Variants in C8orf34 observed in about 807,000 individuals in gnomAD.
C8orf34 encodes the protein chromosome 8 open reading frame 34.
Under a neutral mutation model 68.3 loss-of-function variants are expected in C8orf34, and 65 were observed. That is an observed-to-expected ratio of 0.95 (90% CI 0.78 to 1.17). The LOEUF (loss-of-function observed/expected upper bound fraction) is 1.17. Ranked by LOEUF, C8orf34 falls within the 50% of genes most tolerant of loss-of-function variation. The probability of loss-of-function intolerance (pLI) is 0.00; values close to 1 mark genes in which losing one functional copy is unlikely to be tolerated. For missense variants in C8orf34, 664 were observed against 655.4 expected (o/e 1.01, Z -0.14); for synonymous variants, 244 against 241.2 (o/e 1.01, Z -0.11).
intron 5 of C8orf34, among the ~76,000 whole-genome samples, chr8:68,489,504 T>A (rs1305135780): frequency 1.3e-5 from 2 of 152,220 alleles, no homozygotes; most frequent in Non-Finnish European, 2.9e-5. Context: ...AAAATTCATT[T>A]GTGTTTCATA....
chr8:68,595,920 T>C (rs970710173), intron 7 of C8orf34, among the ~76,000 whole-genome samples: 4 of 152,144 alleles, frequency 2.6e-5, no homozygotes, highest in African/African-American at 9.6e-5. Flanking sequence ...TTTGTTTTCT[T>C]ATCCAATATC....
intron 7 of C8orf34, among the ~76,000 whole-genome samples, chr8:68,552,242 A>G (rs985231255): frequency 6.6e-6 from 1 of 152,196 alleles, no homozygotes; most frequent in African/African-American, 2.4e-5. Context: ...CCTCAAAAAC[A>G]TCACCTCGAA....
intron 7 of C8orf34, among the ~76,000 whole-genome samples, chr8:68,600,650 G>A (rs1005192298): frequency 6.6e-6 from 1 of 152,044 alleles, no homozygotes; most frequent in Non-Finnish European, 1.5e-5. Flanking sequence ...TAATATTTGT[G>A]CATATTTATG....
rs147601376 is a variant in C8orf34 at position 68,664,364 on chromosome 8, G to A, written c.1241+23853G>A. On this transcript the variant is annotated intron_variant, in intron 8 of 13. Coordinates refer to ENST00000518698, the MANE Select transcript of C8orf34 (RefSeq NM_052958.4). ...ACCTAAATGGCATAAGGAGTAAGGG[G>A]GTTAAGAGCAAAATGGAGTTAGTCA... Among the ~76,000 whole-genome samples the A allele has an allele frequency of 1.2e-3, 182 of 152,242 alleles. 1 individual carries two copies. Among genetic ancestry groups the A allele is most frequent in the African/African-American group, 3.3e-3 (135 of 41,534 alleles).
chr8:68,712,863 G>A (rs1179413384), intron 9 of C8orf34, among the ~76,000 whole-genome samples: 1 of 152,034 alleles, frequency 6.6e-6, no homozygotes, highest in Non-Finnish European at 1.5e-5. Flanking sequence ...ACAACTGCAG[G>A]ATATACATTC....
intron 12 of C8orf34, among the ~76,000 whole-genome samples, chr8:68,805,238 T>A (rs1024875099): frequency 3.3e-5 from 5 of 152,238 alleles, no homozygotes; most frequent in African/African-American, 1.2e-4. Flanking sequence ...TCCTTAATGA[T>A]CCAGTAAATG....
At chr8:68,389,912 G>A (rs2129620572) in intron 1 of C8orf34, among the ~76,000 whole-genome samples, 1 of 152,114 alleles carries the variant, frequency 6.6e-6, no homozygotes, top group East Asian at 1.9e-4. Context: ...TAATCCTAAC[G>A]ATGACCACTT....
intron 7 of C8orf34, among the ~76,000 whole-genome samples, chr8:68,569,648 C>G (rs190297703): frequency 6.6e-5 from 10 of 152,316 alleles, no homozygotes; most frequent in Non-Finnish European, 1.2e-4. Flanking sequence ...TCATCCTTAA[C>G]CCTGAGTGCT....
In C8orf34 at chr8:68,620,999, A is replaced by C. The variant is rs550782261; in HGVS notation, c.1106-19377A>C. 4.6e-5 allele frequency among the ~76,000 whole-genome samples: 7 copies of C among 152,310 alleles called. 1 individual carries two copies. The South Asian group carries it at 1.4e-3, about 32-fold the overall frequency. On this transcript the variant is annotated intron_variant, in intron 7 of 13. Transcript: ENST00000518698. The stretch of plus-strand genomic sequence containing the variant: ...TGATCCATAGAGTTAGAAATATATA[A>C]ATATTTGCCCAGATGTGGGAACACC...
chr8:68,583,524 G>C (rs1259456126), intron 7 of C8orf34, among the ~76,000 whole-genome samples: 1 of 151,892 alleles, frequency 6.6e-6, no homozygotes, highest in Non-Finnish European at 1.5e-5. Context: ...AATTCTTCAG[G>C]TAAGTAATGA....
rs1188486244 is a variant in C8orf34, at chr8:68,517,831, CA to C, written c.766-3965del. ...CATCTACTTTGAGCCTATAGCTAGA[CA>C]AATCTCCAAGCCCAATTCTGCCCCA... On this transcript the variant is annotated intron_variant, in intron 5 of 13. Coordinates refer to ENST00000518698, the MANE Select transcript of C8orf34 (RefSeq NM_052958.4). 2.6e-4 allele frequency among the ~76,000 whole-genome samples: 40 copies of C among 152,280 alleles called. 1 individual carries two copies. The highest frequency in any genetic ancestry group is 9.4e-4 in the African/African-American group (39 of 41,562).
intron 10 of C8orf34, among the ~76,000 whole-genome samples, chr8:68,758,749 C>G: frequency 7.3e-6 from 1 of 137,044 alleles, no homozygotes; most frequent in East Asian, 4.4e-4. Context: ...TTCCCTTGGA[C>G]TTTGTTTTTA....
intron 1 of C8orf34, among the ~76,000 whole-genome samples, chr8:68,349,751 G>A (rs772361144): frequency 4.0e-5 from 6 of 151,234 alleles, no homozygotes; most frequent in Non-Finnish European, 8.9e-5. Flanking sequence ...AGGTTTTCGA[G>A]TTTGTGTGTA....
At chr8:68,608,099 A>G (rs1021984202) in intron 7 of C8orf34, among the ~76,000 whole-genome samples, 5 of 149,008 alleles carry the variant, frequency 3.4e-5, no homozygotes, top group African/African-American at 1.3e-4. Flanking sequence ...TGTGCTGGGC[A>G]GAGAAGTAGA....
intron 7 of C8orf34, among the ~76,000 whole-genome samples, chr8:68,547,167 A>G (rs1815912421): frequency 6.6e-6 from 1 of 151,818 alleles, no homozygotes; most frequent in Non-Finnish European, 1.5e-5. Flanking sequence ...GAGAACCACA[A>G]ATTACCAGTA....
chr8:68,617,573 G>T (rs1218637649), intron 7 of C8orf34, among the ~76,000 whole-genome samples: 2 of 152,090 alleles, frequency 1.3e-5, no homozygotes, highest in African/African-American at 4.8e-5. Context: ...TGAAATTCTG[G>T]GTTGAAAATT....
intron 6 of C8orf34, 90 bp from the exon 7 acceptor site, chr8:68,532,893 C>A: frequency 1.1e-6 from 1 of 900,094 alleles, no homozygotes; most frequent in Non-Finnish European, 1.7e-6. Flanking sequence ...AACATGTCCA[C>A]ATACGTGTGT....
rs1817571952 is a variant in C8orf34, at chr8:68,597,274, G to A, written c.1106-43102G>A. Among the ~76,000 whole-genome samples the A allele has an allele frequency of 1.3e-5, 2 of 151,982 alleles. 1 individual carries two copies. ...TCACCTGTGTCTCATGTGCAAGGGTGGGTCACATGCGCATTCTCATGTGTC... is the reference window on the plus strand; with the variant it reads ...TCACCTGTGTCTCATGTGCAAGGGTAGGTCACATGCGCATTCTCATGTGTC... On this transcript the variant is annotated intron_variant, in intron 7 of 13. Transcript: ENST00000518698.
chr8:68,807,592 A>G (rs371531489), intron 12 of C8orf34, among the ~76,000 whole-genome samples: 1 of 152,022 alleles, frequency 6.6e-6, no homozygotes, highest in Non-Finnish European at 1.5e-5. Context: ...TAAGTTCATT[A>G]TGTGATTCCT....
Sources: allele counts gnomAD v4.1 joint callset (sites outside exome capture counted in the v4.1 genomes callset), GRCh38; gene constraint gnomAD v4.1.1; transcripts MANE v1.5; gene names NCBI Gene and HGNC (gene_info 2026-07-23, HGNC 2026-07-21).